BIRC6: variants seen among roughly 807,000 people sequenced by gnomAD.
The protein encoded by BIRC6 is baculoviral IAP repeat containing 6.
A neutral mutation model predicts 503.3 loss-of-function variants in BIRC6; 98 were observed. That is an observed-to-expected ratio of 0.19 (90% CI 0.17 to 0.23). The LOEUF (loss-of-function observed/expected upper bound fraction) is 0.23, where lower values mean the gene tolerates loss of function less well. Among genes scored for constraint, BIRC6 ranks in the 10% least tolerant of loss-of-function variants. BIRC6 has a pLI of 1.00. For synonymous variants in BIRC6, 2,240 were observed against 2,078.7 expected, an observed-to-expected ratio of 1.08 and a Z score of -2.11; for missense variants, 5,360 against 5,806.0, an observed-to-expected ratio of 0.92 and a Z score of 2.50.
chr2:32,395,637 G>C (rs1330994468), intron 6 of BIRC6, 44 bp downstream of exon 6: 2 of 1,473,326 alleles, frequency 1.4e-6, no homozygotes, highest in Admixed American at 3.6e-5. Flanking sequence ...AGTCAGTCGT[G>C]TAAATAATGC....
At chr2:32,498,981 G>C (rs1482086601) in intron 45 of BIRC6, among the ~76,000 whole-genome samples, 1 of 152,118 alleles carries the variant, frequency 6.6e-6, no homozygotes, top group African/African-American at 2.4e-5. Flanking sequence ...GGCTCCCAAA[G>C]TGATGGGATT....
At chr2:32,541,309 A>G (rs1425897462) in intron 61 of BIRC6, among the ~76,000 whole-genome samples, 3 of 152,100 alleles carry the variant, frequency 2.0e-5, no homozygotes, top group Admixed American at 2.0e-4. Flanking sequence ...AGGCTATTTC[A>G]TATTGTCATT....
At chr2:32,567,921 GA>G (rs1482450678) in intron 65 of BIRC6, among the ~76,000 whole-genome samples, 19 of 152,240 alleles carry the variant, frequency 1.2e-4, no homozygotes, top group African/African-American at 4.6e-4. Context: ...CTAACACAGT[GA>G]AAACCCTTCT....
At position 32,415,209 on chromosome 2, in the gene BIRC6, G is replaced by A; in HGVS notation, c.1918G>A (p.Glu640Lys). The A allele has an allele frequency of 1.9e-6, 3 of 1,613,946 alleles. No individual in the cohort carries two copies. The highest frequency in any genetic ancestry group is 1.1e-5 in the South Asian group (1 of 91,060). ...LLLYSIKESDEKAGKIFSQMN... is the reference protein window; with the variant it reads ...LLLYSIKESDKKAGKIFSQMN... ...TCTTTATAGCATCAAGGAATCTGAT[G>A]AGAAAGCAGGAAAGATCTTTTCACA... The change falls in exon 10 of 74, where the codon GAG (glutamate) becomes AAG (lysine). Residue 640 changes from glutamate (E) to lysine (K), a missense_variant. Physicochemically the swap from Glu to Lys is moderately conservative, Grantham distance 56. Transcript: ENST00000421745.
At chr2:32,491,738 G>A (rs930055199) in intron 44 of BIRC6, among the ~76,000 whole-genome samples, 180 bp downstream of exon 44, 3 of 152,068 alleles carry the variant, frequency 2.0e-5, no homozygotes, top group Non-Finnish European at 4.4e-5. Flanking sequence ...AATAGCAGGT[G>A]GTAAGTTAAC....
intron 9 of BIRC6, among the ~76,000 whole-genome samples, chr2:32,410,211 A>G (rs1431899185): frequency 6.6e-6 from 1 of 152,204 alleles, no homozygotes; most frequent in African/African-American, 2.4e-5. Flanking sequence ...CATCCTCAGG[A>G]TTTATTGTGG....
At chr2:32,470,822 A>G (rs913054926) in intron 31 of BIRC6, among the ~76,000 whole-genome samples, 192 bp from the exon 32 acceptor site, 1 of 152,150 alleles carries the variant, frequency 6.6e-6, no homozygotes, top group Non-Finnish European at 1.5e-5. Context: ...GTCTTTCATT[A>G]GATTTGATGT....
At chr2:32,365,758 TAA>T (rs927583354) in intron 1 of BIRC6, among the ~76,000 whole-genome samples, 1 of 152,126 alleles carries the variant, frequency 6.6e-6, no homozygotes, top group Non-Finnish European at 1.5e-5. Flanking sequence ...CAGTTTAAGG[TAA>T]AAAAATTAGG....
intron 60 of BIRC6, among the ~76,000 whole-genome samples, chr2:32,530,312 G>C (rs572489258): frequency 1.3e-5 from 2 of 152,250 alleles, no homozygotes; most frequent in Admixed American, 1.3e-4. Flanking sequence ...CCGAGTTCAA[G>C]TGATTTTCCT....
In BIRC6 at chr2:32,414,950, G is replaced by A. The variant is rs1424480339; in HGVS notation, c.1659G>A (p.Lys553=). ...CAAACTCTAAGAGTGAAAAGACAAA[G>A]GAAAAGCACCAGGAGCAACACAACA... ...CLTNSKSEKT[K]EKHQEQHNIP... is the part of the protein sequence containing the mutation. Residue 553 remains lysine, a synonymous_variant, in exon 10 of 74, where the codon AAG becomes AAA. Transcript: ENST00000421745. 2 of 1,613,768 alleles carry A rather than the reference G, an allele frequency of 1.2e-6. No homozygotes were observed. The highest frequency in any genetic ancestry group is 8.5e-7 in the Non-Finnish European group (1 of 1,179,858).
chr2:32,469,290 A>G (rs538063089), intron 29 of BIRC6, 105 bp from the exon 30 acceptor site: 1 of 811,476 alleles, frequency 1.2e-6, no homozygotes, highest in Non-Finnish European at 1.9e-6. Flanking sequence ...GAATATAATT[A>G]TCTACTGATT....
In BIRC6 at chr2:32,518,840, T is replaced by C; in HGVS notation, c.11517T>C (p.Ala3839=). Residue 3839 remains alanine, a synonymous_variant, in exon 57 of 74, where the codon GCT becomes GCC. Coordinates refer to ENST00000421745, the MANE Select transcript of BIRC6 (RefSeq NM_016252.4). ...PCPLYKGRIN[A]TSHVIQHPMY... ...AGCTGTACAAAGGTAGAATTAATGC[T>C]ACTAGCCACGTCATCCAGCATCCAA... 2 of 1,613,562 alleles carry C rather than the reference T, an allele frequency of 1.2e-6. No individual in the cohort carries two copies. Among genetic ancestry groups the C allele is most frequent in the Non-Finnish European group, 1.7e-6 (2 of 1,179,552 alleles).
rs567163789 is a variant in BIRC6, at chr2:32,380,450, T to C, written c.645+160T>C. ...AAGTCATCTTAAAGTTGAAACTGGC[T>C]GGGCACGGTGGCTCACACCTGTAAT... is the stretch of plus-strand genomic sequence containing the variant. On this transcript the variant is annotated intron_variant, in intron 3 of 73. Coordinates refer to ENST00000421745, the MANE Select transcript of BIRC6 (RefSeq NM_016252.4). 1.2e-4 allele frequency among the ~76,000 whole-genome samples: 18 copies of C among 152,284 alleles called. No individual in the cohort carries two copies. In the South Asian group the frequency reaches 3.7e-3, roughly 32 times the overall value.
rs867210794 is a variant in BIRC6, at chr2:32,584,241, T to C, written c.13355+8875T>C. On this transcript the variant is annotated intron_variant, in intron 66 of 73. Transcript: ENST00000421745. ...AAAATAATATTTAAATTTAAAAAAA[T>C]TTTTTTGGCTGGGTGCAGTGGCTCT... Among the ~76,000 whole-genome samples the C allele has an allele frequency of 3.3e-5, 5 of 151,352 alleles. No homozygotes were observed. The South Asian group carries it at 1.0e-3, about 32-fold the overall frequency.
At chr2:32,593,827 A>C in intron 66 of BIRC6, 88 bp from the exon 67 acceptor site, 1 of 1,142,612 alleles carries the variant, frequency 8.8e-7, no homozygotes, top group Non-Finnish European at 1.2e-6. Context: ...TGAAATGCAC[A>C]CACTCATTTG....
At position 32,577,858 on chromosome 2, in the gene BIRC6, T is replaced by C. The variant is rs192267953; in HGVS notation, c.13355+2492T>C. Among the ~76,000 whole-genome samples the C allele has an allele frequency of 7.4e-3, 1,132 of 152,322 alleles. 16 individuals carry two copies. The highest frequency in any genetic ancestry group is 0.026 in the African/African-American group (1,086 of 41,574). ...CCGGATGAAATTATTCCATTTAAAT[T>C]CTTTTATTCTTCAGCCAGAGAACAT... On this transcript the variant is annotated intron_variant, in intron 66 of 73. Coordinates refer to ENST00000421745, the MANE Select transcript of BIRC6 (RefSeq NM_016252.4).
chr2:32,601,830 C>T (rs981846267), intron 70 of BIRC6, among the ~76,000 whole-genome samples: 3 of 151,946 alleles, frequency 2.0e-5, no homozygotes, highest in Admixed American at 6.6e-5. Flanking sequence ...TTTGAGGAAC[C>T]CTGGGAAGCC....
At chr2:32,417,786 A>T (rs2042535076) in intron 10 of BIRC6, among the ~76,000 whole-genome samples, 1 of 151,854 alleles carries the variant, frequency 6.6e-6, no homozygotes. Flanking sequence ...TTTTATTTTT[A>T]TTTTTTGTTT....
chr2:32,540,148 T>C (rs1352510707), intron 61 of BIRC6, among the ~76,000 whole-genome samples: 2 of 152,094 alleles, frequency 1.3e-5, no homozygotes, highest in Non-Finnish European at 2.9e-5. Context: ...ACAGAATTTT[T>C]AGTCTGTTTT....
Sources: allele counts gnomAD v4.1 joint callset (sites outside exome capture counted in the v4.1 genomes callset), GRCh38; gene constraint gnomAD v4.1.1; transcripts MANE v1.5; gene names NCBI Gene and HGNC (gene_info 2026-07-23, HGNC 2026-07-21).